PID1: variants seen among roughly 807,000 people sequenced by gnomAD.
PID1 encodes phosphotyrosine interaction domain containing 1.
In PID1, 10 loss-of-function variants were observed where a neutral mutation model predicts 19.1. The ratio of observed to expected loss-of-function variants is 0.52; its 90% CI spans 0.32 to 0.89. The LOEUF is 0.89. Ranked by LOEUF, PID1 falls within the 40% of genes least tolerant of loss-of-function variation. PID1 has a pLI of 0.03. For synonymous variants in PID1, 130 were observed against 116.0 expected (o/e 1.12, Z -0.78); for missense variants, 248 against 285.3 (o/e 0.87, Z 0.94).
intron 2 of PID1, among the ~76,000 whole-genome samples, chr2:229,105,376 C>G (rs1695156587): frequency 6.6e-6 from 1 of 152,214 alleles, no homozygotes; most frequent in African/African-American, 2.4e-5. Flanking sequence ...AGCTGAATAA[C>G]CAATTCAGCA....
chr2:229,232,041 G>T, intron 1 of PID1: 1 of 1,546,136 alleles, frequency 6.5e-7, no homozygotes, highest in Non-Finnish European at 8.7e-7. Context: ...AAGGCTAAGG[G>T]GCAGGCTGAA....
intron 2 of PID1, among the ~76,000 whole-genome samples, chr2:229,112,488 T>A (rs989019488): frequency 6.6e-6 from 1 of 152,026 alleles, no homozygotes; most frequent in Non-Finnish European, 1.5e-5. Flanking sequence ...ATTATTTATT[T>A]ATTTATTTAT....
chr2:229,116,967 A>T (rs989990795), intron 2 of PID1, among the ~76,000 whole-genome samples: 2 of 152,156 alleles, frequency 1.3e-5, no homozygotes, highest in African/African-American at 4.8e-5. Context: ...TTAAGAAGCC[A>T]AACAACTGTT....
rs565531905 is a variant in PID1 at position 229,168,592 on chromosome 2, T to C, written c.31-12628A>G. 3.9e-5 allele frequency among the ~76,000 whole-genome samples: 6 copies of C among 152,334 alleles called. No individual in the cohort carries two copies. The South Asian group carries it at 1.2e-3, about 32-fold the overall frequency. ...CTGAAATTCCCTATATGTTCATGCA[T>C]GCTTTCCACCTTTTCCAATAGTGTT... On this transcript the variant is annotated intron_variant, in intron 1 of 2. Transcript: ENST00000392055.
intron 2 of PID1, among the ~76,000 whole-genome samples, chr2:229,052,497 C>A (rs551611248): frequency 2.0e-5 from 3 of 151,992 alleles, no homozygotes; most frequent in East Asian, 3.8e-4. Context: ...CTACTGCTAC[C>A]AAGGATCTTT....
chr2:229,078,728 A>C (rs575215983), intron 2 of PID1, among the ~76,000 whole-genome samples: 156 of 152,244 alleles, frequency 1.0e-3, no homozygotes, highest in African/African-American at 3.7e-3. Context: ...TTTGTTTCAC[A>C]GATGACATCA....
chr2:229,270,038 TCCAACCTAG>T (rs2106298666), intron 1 of PID1, among the ~76,000 whole-genome samples: 2 of 152,336 alleles, frequency 1.3e-5, no homozygotes, highest in South Asian at 4.1e-4. Context: ...TTGAGAAGCC[TCCAACCTAG>T]CCAGGGCCTG....
intron 2 of PID1, among the ~76,000 whole-genome samples, chr2:229,041,693 C>A (rs982548502): frequency 3.9e-5 from 6 of 152,122 alleles, no homozygotes; most frequent in East Asian, 1.9e-4. Context: ...ATGGACAAAT[C>A]TAACACACCC....
intron 2 of PID1, among the ~76,000 whole-genome samples, chr2:229,040,120 GAAA>G (rs59973595): frequency 7.7e-6 from 1 of 130,194 alleles, no homozygotes. Context: ...TTGTTATGTG[GAAA>G]AAAAAAAAAA....
At chr2:229,127,478 A>G (rs975048406) in intron 2 of PID1, among the ~76,000 whole-genome samples, 1 of 152,192 alleles carries the variant, frequency 6.6e-6, no homozygotes, top group Non-Finnish European at 1.5e-5. Context: ...CATACAAGCC[A>G]TCAGAAGGTG....
intron 1 of PID1, among the ~76,000 whole-genome samples, chr2:229,230,341 T>A (rs1692178081): frequency 6.6e-6 from 1 of 152,186 alleles, no homozygotes; most frequent in Non-Finnish European, 1.5e-5. Context: ...CTGAATAGAA[T>A]AATAAACTTT....
intron 1 of PID1, chr2:229,231,788 A>G: frequency 7.2e-7 from 1 of 1,382,258 alleles, no homozygotes; most frequent in South Asian, 1.4e-5. Context: ...TCAATAGTCC[A>G]GATGTGTGAT....
intron 2 of PID1, among the ~76,000 whole-genome samples, chr2:229,029,844 A>C (rs1178378762): frequency 3.3e-5 from 5 of 151,736 alleles, no homozygotes; most frequent in African/African-American, 9.7e-5. Flanking sequence ...CGTCTCAAAA[A>C]AAAAAAAAAA....
intron 1 of PID1, among the ~76,000 whole-genome samples, chr2:229,232,431 CAA>C (rs386392861): frequency 8.5e-4 from 35 of 41,356 alleles, no homozygotes; most frequent in African/African-American, 3.9e-3. Context: ...GACTCCATCT[CAA>C]AAAAAAAAAA....
intron 2 of PID1, among the ~76,000 whole-genome samples, chr2:229,131,519 C>T (rs1689740129): frequency 6.6e-6 from 1 of 152,148 alleles, no homozygotes; most frequent in Non-Finnish European, 1.5e-5. Context: ...GTGTGAGCCA[C>T]CATGGCCAGC....
chr2:229,240,467 A>C (rs1164958614), intron 1 of PID1, among the ~76,000 whole-genome samples: 1 of 152,150 alleles, frequency 6.6e-6, no homozygotes, highest in Non-Finnish European at 1.5e-5. Flanking sequence ...TCCATGGTGT[A>C]TCTCTCCTGG....
Position 229,119,951 on chromosome 2 carries a change from T to A in PID1, c.177+35867A>T, listed in dbSNP as rs137896948. Among the ~76,000 whole-genome samples, 102 of 152,234 alleles carry A rather than the reference T, an allele frequency of 6.7e-4. 1 individual carries two copies. The highest frequency in any genetic ancestry group is 2.4e-3 in the African/African-American group (100 of 41,520). On this transcript the variant is annotated intron_variant, in intron 2 of 2. Transcript: ENST00000392055. ...ATTCTCCTGCCTGTGATGCTCCTGG[T>A]TCTAAAGTCTTCAGACTCGGACTGG...
At position 229,137,382 on chromosome 2, in the gene PID1, C is replaced by T. The variant is rs1043211052; in HGVS notation, c.177+18436G>A. On this transcript the variant is annotated intron_variant, in intron 2 of 2. Coordinates refer to ENST00000392055, the MANE Select transcript of PID1 (RefSeq NM_001100818.2). ...TGGAAAATAGAGCATCCCTACTTAT[C>T]CTTTTATCACTCTTTACCATAAAAC... 9.2e-5 allele frequency among the ~76,000 whole-genome samples: 14 copies of T among 152,312 alleles called. No homozygotes were observed. In the East Asian group the frequency reaches 2.1e-3, roughly 23 times the overall value.
chr2:229,143,007 T>G (rs77345265), intron 2 of PID1, among the ~76,000 whole-genome samples: 25,941 of 140,962 alleles, frequency 0.18, 2,506 homozygotes, highest in East Asian at 0.43. Flanking sequence ...CATGGAATAC[T>G]ATGCAGCCAT....
Sources: gnomAD v4.1 joint callset for allele counts (sites outside exome capture counted in the v4.1 genomes callset) on GRCh38, gnomAD v4.1.1 for gene constraint, MANE v1.5 for transcripts, NCBI Gene and HGNC (gene_info 2026-07-23, HGNC 2026-07-21) for gene names.